The following NRL variants were observed in gnomAD, a reference collection of about 807,000 sequenced individuals.
NRL encodes the protein neural retina leucine zipper, also known as neural retina-specific leucine zipper protein.
Under a neutral mutation model 12.5 loss-of-function variants are expected in NRL, and 16 were observed. The observed-to-expected ratio is 1.28, with a 90% CI of 0.87 to 1.95. The LOEUF is 1.95. Among genes scored for constraint, NRL ranks in the 30% most tolerant of loss-of-function variants. NRL has a pLI of 0.00. For missense variants in NRL, 314 were observed against 325.8 expected, an observed-to-expected ratio of 0.96 and a Z score of 0.28; for synonymous variants, 142 against 150.9, an observed-to-expected ratio of 0.94 and a Z score of 0.43.
rs1276033636 is a variant in NRL at position 24,085,678 on chromosome 14, CAGACCCCAA to C, written c.-27-2812_-27-2804del. Among the ~76,000 whole-genome samples the C allele has an allele frequency of 2.0e-5, 3 of 152,238 alleles. No homozygotes were observed. Among genetic ancestry groups the C allele is most frequent in the African/African-American group, 7.2e-5 (3 of 41,448 alleles). On this transcript the variant is annotated intron_variant, in intron 1 of 2. Coordinates refer to ENST00000561028, the MANE Select transcript of NRL (RefSeq NM_001354768.3). This position sits in a 1 kb window ranked among gnomAD's most constrained non-coding sequence, Gnocchi z 4.1. ...TCAACACAGAGGCCTGGGTGTCCAT[CAGACCCCAA>C]AGGTCATCACTTATAAAACTTAACC...
rs1381896157 is a variant in NRL, at chr14:24,109,005, T to A, written c.-28+5717A>T. Among the ~76,000 whole-genome samples, 3 of 152,172 alleles carry A rather than the reference T, an allele frequency of 2.0e-5. No homozygotes were observed. The East Asian group carries it at 5.8e-4, about 29-fold the overall frequency. On this transcript the variant is annotated intron_variant, in intron 1 of 2. Transcript: ENST00000561028. The stretch of plus-strand genomic sequence containing the variant: ...AGCCCAGCCTGCCCTCTAGTGGAGA[T>A]GCTAATGAGCAGGAAACAGGCCAAG...
chr14:24,090,282 CA>C (rs1176928877), intron 1 of NRL, among the ~76,000 whole-genome samples: 1 of 8,612 alleles, frequency 1.2e-4, no homozygotes, highest in Non-Finnish European at 3.3e-4. Context: ...GGGGGGGGGG[CA>C]CGGGGGGGGA....
intron 1 of NRL, among the ~76,000 whole-genome samples, chr14:24,109,311 C>T (rs1006781509): frequency 1.3e-5 from 2 of 152,196 alleles, no homozygotes; most frequent in African/African-American, 4.8e-5. Context: ...TTTCAATAGA[C>T]ACACTGTATA....
chr14:24,100,061 C>G (rs769153801), intron 1 of NRL: 2 of 1,613,194 alleles, frequency 1.2e-6, no homozygotes, highest in South Asian at 1.1e-5. Context: ...TCTGCCACCA[C>G]CAATCCCAAC....
chr14:24,113,955 G>A (rs577746640), intron 1 of NRL, among the ~76,000 whole-genome samples: 1 of 152,328 alleles, frequency 6.6e-6, no homozygotes, highest in Non-Finnish European at 1.5e-5. Context: ...CAACCCACAC[G>A]TCCCCACCCA....
At chr14:24,102,949 ACCTC>A in intron 1 of NRL, 1 of 1,517,950 alleles carries the variant, frequency 6.6e-7, no homozygotes, top group South Asian at 1.1e-5. Context: ...ATTAGGGCCT[ACCTC>A]CCTCCCTCTG....
intron 1 of NRL, among the ~76,000 whole-genome samples, chr14:24,091,822 T>C (rs1446076294): frequency 6.6e-6 from 1 of 152,216 alleles, no homozygotes; most frequent in Non-Finnish European, 1.5e-5. Flanking sequence ...AATAATTTTT[T>C]TTCAGAACAG....
chr14:24,088,527 T>G (rs946081910), intron 1 of NRL, among the ~76,000 whole-genome samples: 11 of 152,250 alleles, frequency 7.2e-5, no homozygotes, highest in Non-Finnish European at 1.5e-4. Flanking sequence ...CCCTGAGGAT[T>G]CCAAATAAAA....
At chr14:24,106,823 T>G (rs1056446233) in intron 1 of NRL, among the ~76,000 whole-genome samples, 2 of 151,992 alleles carry the variant, frequency 1.3e-5, no homozygotes, top group South Asian at 4.1e-4. Flanking sequence ...CTGAATACCG[T>G]CAAAAGCAAC....
At position 24,102,795 on chromosome 14, in the gene NRL, C is replaced by T. The variant is rs759399802; in HGVS notation, c.-28+11927G>A. Reference sequence around the variant, plus strand: ...GCACATCCCAACTCTCGATTTTGTGCCCCGGCTCGCCAGTGCCCCATCATG... The same window carrying T: ...GCACATCCCAACTCTCGATTTTGTGTCCCGGCTCGCCAGTGCCCCATCATG... On this transcript the variant is annotated intron_variant, in intron 1 of 2. Transcript: ENST00000561028. 3 of 1,613,632 alleles carry T rather than the reference C, an allele frequency of 1.9e-6. No individual in the cohort carries two copies. The highest frequency in any genetic ancestry group is 1.7e-5 in the Admixed American group (1 of 60,008).
At chr14:24,098,393 C>T in intron 1 of NRL, 1 of 1,611,952 alleles carries the variant, frequency 6.2e-7, no homozygotes, top group Non-Finnish European at 8.5e-7. Context: ...GCAGGGTAAC[C>T]AGGGCAGGGG....
chr14:24,097,742 C>T (rs868650288), intron 1 of NRL, among the ~76,000 whole-genome samples: 2 of 151,804 alleles, frequency 1.3e-5, no homozygotes, highest in Non-Finnish European at 2.9e-5. Context: ...TACAAGCATG[C>T]GCCACCACAC....
At chr14:24,086,903 G>A (rs1008149464) in intron 1 of NRL, among the ~76,000 whole-genome samples, 2 of 152,222 alleles carry the variant, frequency 1.3e-5, no homozygotes, top group African/African-American at 4.8e-5. Context: ...TGGGCCAGAG[G>A]AAAGGACCAA....
At chr14:24,114,307 A>T (rs2037484400) in intron 1 of NRL, 1 of 152,274 alleles carries the variant, frequency 6.6e-6, no homozygotes, top group Non-Finnish European at 1.5e-5. Context: ...CCGTCCCAAG[A>T]GCAAGGCTTC....
At chr14:24,098,786 C>T in intron 1 of NRL, 4 of 946,942 alleles carry the variant, frequency 4.2e-6, no homozygotes, top group Non-Finnish European at 6.5e-6. Context: ...TCTCTGGCAA[C>T]CTAATTCCCA....
chr14:24,082,958 A>C, intron 1 of NRL, 83 bp from the exon 2 acceptor site: 1 of 1,375,224 alleles, frequency 7.3e-7, no homozygotes, highest in Non-Finnish European at 9.8e-7. Flanking sequence ...CTCAAAGCCC[A>C]AGTGCCCTGG....
intron 1 of NRL, chr14:24,103,360 G>A (rs2037243678): frequency 8.7e-7 from 1 of 1,145,724 alleles, no homozygotes; most frequent in Non-Finnish European, 1.3e-6. Context: ...AGTCTGATAT[G>A]GCCCCACCTC....
intron 1 of NRL, chr14:24,098,070 A>C: frequency 1.4e-6 from 1 of 708,538 alleles, no homozygotes; most frequent in Non-Finnish European, 2.4e-6. Flanking sequence ...GGAGGAAGGG[A>C]CTGAGATGTG....
chr14:24,105,413 A>G (rs1018006769), intron 1 of NRL, among the ~76,000 whole-genome samples: 2 of 152,244 alleles, frequency 1.3e-5, no homozygotes, highest in Non-Finnish European at 2.9e-5. Context: ...TTGGGGGCCT[A>G]TTCCCAACAA....
Sources: allele counts gnomAD v4.1 joint callset (sites outside exome capture counted in the v4.1 genomes callset), GRCh38; gene constraint gnomAD v4.1.1; non-coding constraint Gnocchi (gnomAD v3.1); transcripts MANE v1.5; gene names NCBI Gene and HGNC (gene_info 2026-07-23, HGNC 2026-07-21).